The following TTC34 variants were observed in gnomAD, a reference collection of about 807,000 sequenced individuals.
The protein encoded by TTC34 is tetratricopeptide repeat domain 34, also known as tetratricopeptide repeat protein 34.
TTC34 carries 44 observed loss-of-function variants against 40.7 expected under a neutral mutation model. The observed-to-expected ratio is 1.08, with a 90% CI of 0.85 to 1.39. The LOEUF (loss-of-function observed/expected upper bound fraction) is 1.39. Ranked by LOEUF, TTC34 falls within the 40% of genes most tolerant of loss-of-function variation. The pLI, the probability that TTC34 is intolerant of heterozygous loss-of-function variation, is 0.00. For synonymous variants in TTC34, 422 were observed against 398.6 expected (o/e 1.06, Z -0.70); for missense variants, 884 against 838.0 (o/e 1.05, Z -0.68).
chr1:2,794,326 C>T lies in TTC34; in HGVS notation c.785-3980G>A, dbSNP rs140604026. Among the ~76,000 whole-genome samples, 8 of 152,278 alleles carry T rather than the reference C, an allele frequency of 5.3e-5. No homozygotes were observed. In the East Asian group the frequency reaches 1.5e-3, roughly 29 times the overall value. ...CATGGCTATAGGTATTCTTTATTAT[C>T]TTTCAATAAAGTTTTATACTTTTTC... On this transcript the variant is annotated intron_variant, in intron 2 of 8. Transcript: ENST00000401095.
chr1:2,749,030 C>A (rs1641233620), intron 6 of TTC34, among the ~76,000 whole-genome samples: 2 of 148,626 alleles, frequency 1.3e-5, no homozygotes, highest in Admixed American at 6.7e-5. Context: ...CAGCCTGGAA[C>A]AGCACCCACA....
chr1:2,784,380 G>A (rs959902861), intron 5 of TTC34, among the ~76,000 whole-genome samples: 3 of 152,204 alleles, frequency 2.0e-5, no homozygotes, highest in Admixed American at 6.5e-5. Flanking sequence ...ACATGAAAGT[G>A]GACAAGGAAC....
At chr1:2,785,942 G>C (rs1007325786) in exon 5 of TTC34, 3 of 1,527,002 alleles carry the variant, frequency 2.0e-6, no homozygotes, top group Non-Finnish European at 2.6e-6. Flanking sequence ...CCTTGAAGCA[G>C]CTGCCGGTCC....
At chr1:2,684,357 C>T (rs1299335111) in intron 6 of TTC34, among the ~76,000 whole-genome samples, 3 of 147,374 alleles carry the variant, frequency 2.0e-5, no homozygotes, top group Non-Finnish European at 4.5e-5. Flanking sequence ...CACCCACACC[C>T]ACAGGTGAGC....
At chr1:2,748,827 G>C (rs1328845229) in intron 6 of TTC34, among the ~76,000 whole-genome samples, 1 of 112,286 alleles carries the variant, frequency 8.9e-6, no homozygotes, top group Admixed American at 9.1e-5. Context: ...GACAGCCTCG[G>C]TCGGCACCCA....
intron 6 of TTC34, among the ~76,000 whole-genome samples, chr1:2,782,748 G>A (rs1456519556): frequency 6.6e-6 from 1 of 152,162 alleles, no homozygotes; most frequent in Non-Finnish European, 1.5e-5. Flanking sequence ...TGATCCATTG[G>A]TTGTTTAGCT....
chr1:2,783,832 T>G, intron 5 of TTC34, 57 bp from the exon 6 acceptor site: 1 of 1,372,386 alleles, frequency 7.3e-7, no homozygotes, highest in East Asian at 2.8e-5. Flanking sequence ...TTCCCCAGCA[T>G]CTATCCTGCC....
chr1:2,791,512 A>ATAATT (rs1466097440), intron 2 of TTC34, among the ~76,000 whole-genome samples: 31 of 152,352 alleles, frequency 2.0e-4, no homozygotes, highest in African/African-American at 7.2e-4. Context: ...GCACAGAAGC[A>ATAATT]AAGCCGCTGC....
At chr1:2,688,246 C>T (rs1198517964) in intron 6 of TTC34, among the ~76,000 whole-genome samples, 4 of 142,608 alleles carry the variant, frequency 2.8e-5, no homozygotes, top group Admixed American at 6.9e-5. Context: ...GCAGCACCCA[C>T]ACCCCCAGGG....
intron 6 of TTC34, among the ~76,000 whole-genome samples, chr1:2,765,708 ATGCACACCCCCAGG>A (rs1641767573): frequency 3.4e-5 from 1 of 29,594 alleles, no homozygotes; most frequent in Non-Finnish European, 5.0e-5. Context: ...CTGGAGCAGC[ATGCACACCCCCAGG>A]CGAGCATCTG....
intron 6 of TTC34, among the ~76,000 whole-genome samples, chr1:2,649,603 C>T (rs1029315504): frequency 2.6e-5 from 4 of 152,068 alleles, no homozygotes; most frequent in East Asian, 1.9e-4. Flanking sequence ...GCCAGTGGTG[C>T]GATCTTGGCT....
intron 6 of TTC34, among the ~76,000 whole-genome samples, chr1:2,683,421 AC>A (rs1640169653): frequency 8.9e-6 from 1 of 112,152 alleles, no homozygotes; most frequent in Non-Finnish European, 1.8e-5. Context: ...AGCCTGGAAC[AC>A]CACCCTTCAC....
intron 6 of TTC34, among the ~76,000 whole-genome samples, chr1:2,698,677 A>T (rs1338837735): frequency 1.0e-5 from 1 of 99,174 alleles, no homozygotes; most frequent in Non-Finnish European, 2.0e-5. Flanking sequence ...AGCCTGGAAC[A>T]GCACCCACAC....
intron 6 of TTC34, among the ~76,000 whole-genome samples, chr1:2,753,083 C>CA (rs1641378983): frequency 7.4e-6 from 1 of 134,240 alleles, no homozygotes. Flanking sequence ...CAGCCTGGAA[C>CA]GGCAACCACA....
At chr1:2,771,476 A>G (rs1642123597) in intron 6 of TTC34, among the ~76,000 whole-genome samples, 2 of 81,844 alleles carry the variant, frequency 2.4e-5, no homozygotes, top group African/African-American at 8.4e-5. Context: ...CTGGAACAGC[A>G]TCCACACCCC....
intron 6 of TTC34, among the ~76,000 whole-genome samples, chr1:2,755,945 C>A (rs1207257087): frequency 2.5e-5 from 2 of 81,128 alleles, no homozygotes; most frequent in Admixed American, 2.2e-4. Flanking sequence ...CACCCTGCAC[C>A]CCCAGGTGAG....
At position 2,750,757 on chromosome 1, in the gene TTC34, G is replaced by C. The variant is rs1309170961; in HGVS notation, c.2226+32852C>G. ...GGTGAGCATCTGATGGTCTGGAGCA[G>C]CACGCATAAACACAGGTGAACATCG... On this transcript the variant is annotated intron_variant, in intron 6 of 8. Transcript: ENST00000401095. Among the ~76,000 whole-genome samples the C allele has an allele frequency of 9.7e-5, 8 of 82,616 alleles. 2 individuals are homozygous for C. Among genetic ancestry groups the C allele is most frequent in the Non-Finnish European group, 1.6e-4 (7 of 43,776 alleles). The allele number at this position is 82,616 out of a possible 152,430, so 54.2% of individuals were successfully genotyped here.
exon 9 of TTC34, chr1:2,638,240 G>A (rs957457427): frequency 8.5e-5 from 13 of 152,132 alleles, no homozygotes; most frequent in South Asian, 4.1e-4. Flanking sequence ...CAAAATGCTC[G>A]TAAGATGTTA....
Position 2,779,525 on chromosome 1 carries a change from G to A in TTC34, c.2226+4084C>T, listed in dbSNP as rs141546916. ...TTTTTAGTAGAGACCAGATTTCACC[G>A]TGTTAGCCAGGATGGTCTTGATCTC... On this transcript the variant is annotated intron_variant, in intron 6 of 8. Coordinates refer to ENST00000401095, the Ensembl canonical transcript of TTC34. Among the ~76,000 whole-genome samples the A allele has an allele frequency of 2.3e-3, 352 of 152,148 alleles. 1 individual carries two copies. The highest frequency in any genetic ancestry group is 7.9e-3 in the African/African-American group (330 of 41,530).
Sources: allele counts gnomAD v4.1 joint callset (sites outside exome capture counted in the v4.1 genomes callset), GRCh38; gene constraint gnomAD v4.1.1; transcripts MANE v1.5; gene names NCBI Gene and HGNC (gene_info 2026-07-23, HGNC 2026-07-21).